The following EFCAB13 variants were observed in gnomAD, a reference collection of about 807,000 sequenced individuals.
EFCAB13 encodes EF-hand calcium binding domain 13.
Under a neutral mutation model 110.2 loss-of-function variants are expected in EFCAB13, and 91 were observed. The ratio of observed to expected loss-of-function variants is 0.83; its 90% confidence interval spans 0.70 to 0.98. The LOEUF is 0.98. Among genes scored for constraint, EFCAB13 ranks in the 50% least tolerant of loss-of-function variants. The probability of loss-of-function intolerance (pLI) is 0.00; values close to 1 mark genes in which losing one functional copy is unlikely to be tolerated. For synonymous variants in EFCAB13, 323 were observed against 369.9 expected (o/e 0.87, Z 1.45); for missense variants, 968 against 1,119.4 (o/e 0.86, Z 1.93).
At chr17:47,435,618 C>G (rs1905197732) in intron 24 of EFCAB13, among the ~76,000 whole-genome samples, 1 of 152,072 alleles carries the variant, frequency 6.6e-6, no homozygotes, top group Non-Finnish European at 1.5e-5. Flanking sequence ...TATAGAAGAA[C>G]TACTGATTTG....
chr17:47,375,378 C>T (rs995374726), intron 12 of EFCAB13, among the ~76,000 whole-genome samples: 3 of 152,100 alleles, frequency 2.0e-5, no homozygotes, highest in Admixed American at 6.5e-5. Context: ...GCAGCCTCGA[C>T]CTTTTGTGTT....
At chr17:47,424,142 G>A (rs1200521892) in intron 23 of EFCAB13, among the ~76,000 whole-genome samples, 1 of 152,180 alleles carries the variant, frequency 6.6e-6, no homozygotes, top group Non-Finnish European at 1.5e-5. Flanking sequence ...AGGCCCACGG[G>A]CTGCTCGGCG....
At chr17:47,367,549 A>G (rs1260859598) in intron 10 of EFCAB13, among the ~76,000 whole-genome samples, 5 of 152,182 alleles carry the variant, frequency 3.3e-5, no homozygotes, top group Admixed American at 6.5e-5. Context: ...AGCTTTGTAG[A>G]TACATGCATT....
intron 9 of EFCAB13, among the ~76,000 whole-genome samples, chr17:47,351,298 TGTGTGTGCGC>T (rs1200809122): frequency 4.6e-5 from 6 of 130,440 alleles, no homozygotes; most frequent in South Asian, 2.9e-4. Context: ...TGTGTGTGTG[TGTGTGTGCGC>T]GCGCGCGCGC....
At chr17:47,354,510 C>A (rs867862317) in intron 9 of EFCAB13, among the ~76,000 whole-genome samples, 2 of 152,086 alleles carry the variant, frequency 1.3e-5, no homozygotes, top group Non-Finnish European at 2.9e-5. Flanking sequence ...TGTCTCATTT[C>A]TTAGGTCTAG....
chr17:47,351,857 C>T (rs369722909), intron 9 of EFCAB13, among the ~76,000 whole-genome samples: 1 of 149,232 alleles, frequency 6.7e-6, no homozygotes, highest in Admixed American at 6.7e-5. Flanking sequence ...AATTCTTTGC[C>T]TAGACCAATG....
At chr17:47,432,935 A>G (rs933148991) in intron 24 of EFCAB13, among the ~76,000 whole-genome samples, 4 of 152,204 alleles carry the variant, frequency 2.6e-5, no homozygotes, top group African/African-American at 9.6e-5. Flanking sequence ...ATACATAGCC[A>G]TGTAACATTT....
At chr17:47,352,477 C>T (rs1253881806) in intron 9 of EFCAB13, among the ~76,000 whole-genome samples, 4 of 152,048 alleles carry the variant, frequency 2.6e-5, no homozygotes, top group African/African-American at 4.8e-5. Flanking sequence ...CAGTACCATG[C>T]TGTTTTGGTT....
chr17:47,342,063 C>T (rs1297097545), intron 6 of EFCAB13, 31 bp downstream of exon 6: 3 of 1,292,340 alleles, frequency 2.3e-6, no homozygotes, highest in Non-Finnish European at 3.3e-6. Flanking sequence ...TTTTCTTTTA[C>T]CTTCAAATAT....
intron 10 of EFCAB13, among the ~76,000 whole-genome samples, chr17:47,364,383 G>A (rs912893350): frequency 1.3e-5 from 2 of 150,368 alleles, no homozygotes; most frequent in African/African-American, 2.5e-5. Context: ...GTGTGATCTC[G>A]GCTCACTGCA....
At chr17:47,422,346 A>G (rs1262854358) in intron 23 of EFCAB13, among the ~76,000 whole-genome samples, 1 of 152,172 alleles carries the variant, frequency 6.6e-6, no homozygotes, top group Non-Finnish European at 1.5e-5. Context: ...AATGTCTACT[A>G]TCATCACTTC....
At chr17:47,329,016 A>T (rs1254713572) in intron 4 of EFCAB13, 1 of 152,248 alleles carries the variant, frequency 6.6e-6, no homozygotes, top group African/African-American at 2.4e-5. Flanking sequence ...TTTCTTTTAT[A>T]GAGAGACGCT....
intron 23 of EFCAB13, among the ~76,000 whole-genome samples, chr17:47,421,653 AG>A (rs768957530): frequency 0.02 from 2,934 of 150,452 alleles, 97 homozygotes; most frequent in East Asian, 0.17. Flanking sequence ...AAAAAAAAAA[AG>A]AAATGTTACC....
chr17:47,363,532 G>A (rs542088028), intron 10 of EFCAB13, among the ~76,000 whole-genome samples: 10 of 150,772 alleles, frequency 6.6e-5, no homozygotes, highest in African/African-American at 2.0e-4. Context: ...AAATTAAAAT[G>A]CTCCATGGCA....
At chr17:47,380,721 C>CTGAAGAGGAAA (rs1457250570) in intron 14 of EFCAB13, among the ~76,000 whole-genome samples, 2 of 152,154 alleles carry the variant, frequency 1.3e-5, no homozygotes, top group Non-Finnish European at 2.9e-5. Context: ...TCCTATTTCT[C>CTGAAGAGGAAA]CACATCCTCT....
rs188199633 is a variant in EFCAB13, at chr17:47,372,761, C to T, written c.878-1711C>T. Among the ~76,000 whole-genome samples the T allele has an allele frequency of 3.7e-3, 563 of 152,278 alleles. 2 individuals are homozygous for T. Among genetic ancestry groups the T allele is most frequent in the Non-Finnish European group, 6.3e-3 (427 of 68,016 alleles). On this transcript the variant is annotated intron_variant, in intron 11 of 24. Transcript: ENST00000331493. Reference sequence around the variant, plus strand: ...CAGTACTCTGAATATATAGTCCATTCTCTATGGACCCATAAGGTGTCTGCT... The same window carrying T: ...CAGTACTCTGAATATATAGTCCATTTTCTATGGACCCATAAGGTGTCTGCT...
chr17:47,350,392 A>T (rs943524358), intron 9 of EFCAB13, among the ~76,000 whole-genome samples: 4 of 152,312 alleles, frequency 2.6e-5, no homozygotes, highest in Middle Eastern at 3.4e-3. Context: ...TTCCTGCTCA[A>T]GAATTTAGAT....
At chr17:47,386,308 C>T (rs1014028606) in intron 14 of EFCAB13, among the ~76,000 whole-genome samples, 12 of 152,334 alleles carry the variant, frequency 7.9e-5, no homozygotes, top group African/African-American at 2.9e-4. Flanking sequence ...AACCCCTTGA[C>T]TGGGGCTGGT....
intron 11 of EFCAB13, among the ~76,000 whole-genome samples, chr17:47,373,086 G>A (rs1457734870): frequency 6.6e-6 from 1 of 151,954 alleles, no homozygotes; most frequent in African/African-American, 2.4e-5. Flanking sequence ...CATAAATCCT[G>A]TAAGCTTTCC....
Sources: gnomAD v4.1 joint callset for allele counts (sites outside exome capture counted in the v4.1 genomes callset) on GRCh38, gnomAD v4.1.1 for gene constraint, MANE v1.5 for transcripts, NCBI Gene and HGNC (gene_info 2026-07-23, HGNC 2026-07-21) for gene names.